Variants in STX8 observed in about 807,000 individuals in gnomAD.
STX8 encodes the protein syntaxin-8.
STX8 carries 23 observed loss-of-function variants against 37.5 expected under a neutral mutation model. The observed-to-expected ratio is 0.61, with a 90% CI of 0.44 to 0.87. STX8 has a LOEUF of 0.87. Among genes scored for constraint, STX8 ranks in the 40% least tolerant of loss-of-function variants. The pLI, the probability that STX8 is intolerant of heterozygous loss-of-function variation, is 0.00. For synonymous variants in STX8, 115 were observed against 99.1 expected (o/e 1.16, Z -0.95); for missense variants, 313 against 284.7 (o/e 1.10, Z -0.71).
intron 7 of STX8, among the ~76,000 whole-genome samples, chr17:9,257,920 A>C (rs11870373): frequency 0.26 from 38,849 of 152,202 alleles, 5,460 homozygotes; most frequent in Admixed American, 0.35. Flanking sequence ...ACCCGGGAGG[A>C]GGAGGTTGCG....
intron 6 of STX8, among the ~76,000 whole-genome samples, chr17:9,399,287 C>T (rs1912519490): frequency 6.6e-6 from 1 of 152,138 alleles, no homozygotes; most frequent in African/African-American, 2.4e-5. Flanking sequence ...ACTAAGGGAT[C>T]ATAACAATTC....
chr17:9,275,254 C>T (rs939827552), intron 7 of STX8, among the ~76,000 whole-genome samples: 6 of 152,136 alleles, frequency 3.9e-5, no homozygotes, highest in Non-Finnish European at 7.4e-5. Flanking sequence ...ACTTTCACTC[C>T]AAGCGTCCAT....
intron 7 of STX8, among the ~76,000 whole-genome samples, chr17:9,302,234 C>T (rs890692038): frequency 1.3e-5 from 2 of 152,112 alleles, no homozygotes; most frequent in Admixed American, 6.5e-5. Context: ...TAATTTTTAA[C>T]TCAGCATCTG....
chr17:9,276,156 G>A (rs955169125), intron 7 of STX8, among the ~76,000 whole-genome samples: 5 of 152,088 alleles, frequency 3.3e-5, no homozygotes, highest in Admixed American at 6.5e-5. Flanking sequence ...AAGTTCAGCC[G>A]ATCCACAGGC....
intron 7 of STX8, among the ~76,000 whole-genome samples, chr17:9,258,672 A>G (rs559509365): frequency 2.9e-4 from 44 of 152,296 alleles, no homozygotes; most frequent in African/African-American, 1.0e-3. Flanking sequence ...ACTGGGCAAA[A>G]GTCATCTCTG....
chr17:9,546,492 C>CAA (rs1252106838), intron 3 of STX8, among the ~76,000 whole-genome samples: 1 of 54,974 alleles, frequency 1.8e-5, no homozygotes, highest in East Asian at 5.7e-4. Flanking sequence ...GCGCATGAAG[C>CAA]AAAAAGGGAA....
chr17:9,330,684 G>C (rs1348575537), intron 7 of STX8, among the ~76,000 whole-genome samples: 2 of 152,222 alleles, frequency 1.3e-5, no homozygotes, highest in Non-Finnish European at 2.9e-5. Flanking sequence ...GCCCCTGGCA[G>C]AGCCTCGTTC....
intron 7 of STX8, among the ~76,000 whole-genome samples, chr17:9,317,934 T>C (rs1909444930): frequency 6.6e-6 from 1 of 152,188 alleles, no homozygotes. Context: ...CCCAGTGACC[T>C]GGATGCGAGG....
intron 7 of STX8, among the ~76,000 whole-genome samples, chr17:9,318,926 CAG>C (rs1027202518): frequency 9.9e-5 from 15 of 152,252 alleles, no homozygotes; most frequent in Admixed American, 2.0e-4. Context: ...GTTCTCAAAA[CAG>C]GGGTGCAGAG....
intron 7 of STX8, among the ~76,000 whole-genome samples, chr17:9,363,013 T>C (rs8067598): frequency 0.046 from 6,974 of 152,198 alleles, 381 homozygotes; most frequent in African/African-American, 0.13. Context: ...CCCTGTATGA[T>C]AGGAGAGGAT....
chr17:9,421,929 C>G (rs556155577), intron 6 of STX8, among the ~76,000 whole-genome samples: 3 of 152,190 alleles, frequency 2.0e-5, no homozygotes, highest in South Asian at 2.1e-4. Flanking sequence ...AGCACCTCCC[C>G]CTTTGTTCTC....
chr17:9,506,100 C>T (rs1024004842), intron 4 of STX8, among the ~76,000 whole-genome samples: 2 of 151,998 alleles, frequency 1.3e-5, no homozygotes, highest in Non-Finnish European at 2.9e-5. Context: ...ATCCATGTGC[C>T]CTTTCTGCAC....
chr17:9,288,743 G>A (rs962337218), intron 7 of STX8, among the ~76,000 whole-genome samples: 15 of 151,594 alleles, frequency 9.9e-5, no homozygotes, highest in African/African-American at 3.1e-4. Context: ...CTCACTTGAA[G>A]AAATGAACAA....
intron 6 of STX8, among the ~76,000 whole-genome samples, chr17:9,420,419 C>A (rs545657991): frequency 6.6e-6 from 1 of 152,236 alleles, no homozygotes; most frequent in African/African-American, 2.4e-5. Flanking sequence ...CCTATAGGTG[C>A]CTATCAGTTC....
chr17:9,349,316 C>CTTTTTTTTTTT (rs61627405), intron 7 of STX8, among the ~76,000 whole-genome samples: 1 of 109,796 alleles, frequency 9.1e-6, no homozygotes, highest in African/African-American at 3.6e-5. Context: ...ATTTTCTTTT[C>CTTTTTTTTTTT]TTTTTTTTTT....
Position 9,388,494 on chromosome 17 carries a change from C to T in STX8, c.542-9841G>A, listed in dbSNP as rs1475561635. On this transcript the variant is annotated intron_variant, in intron 6 of 7. Transcript: ENST00000306357. ...ACAGTGTAATTCCCCCATGTGTTCA[C>T]TACAATTTGACATAAACATATACAT... Among the ~76,000 whole-genome samples the T allele has an allele frequency of 2.0e-5, 3 of 151,916 alleles. No homozygotes were observed. In the East Asian group the frequency reaches 5.8e-4, roughly 29 times the overall value.
chr17:9,438,983 TTTTG>T (rs1333671978), intron 6 of STX8, among the ~76,000 whole-genome samples: 4 of 152,098 alleles, frequency 2.6e-5, no homozygotes, highest in South Asian at 4.1e-4. Context: ...CATGGCTGGT[TTTTG>T]TTTGTTTTGC....
chr17:9,392,052 A>G (rs1164651328), intron 6 of STX8, among the ~76,000 whole-genome samples: 2 of 152,326 alleles, frequency 1.3e-5, no homozygotes, highest in African/African-American at 4.8e-5. Context: ...ACAGTACTGG[A>G]AAGACTTTGA....
chr17:9,487,099 A>G (rs1462066233), intron 6 of STX8, among the ~76,000 whole-genome samples: 1 of 152,214 alleles, frequency 6.6e-6, no homozygotes, highest in East Asian at 1.9e-4. Context: ...GCATAGGAAC[A>G]GGGTAATTAC....
Sources: gnomAD v4.1 joint callset for allele counts (sites outside exome capture counted in the v4.1 genomes callset) on GRCh38, gnomAD v4.1.1 for gene constraint, MANE v1.5 for transcripts, NCBI Gene and HGNC (gene_info 2026-07-23, HGNC 2026-07-21) for gene names.